The following SLC27A1 variants were observed in gnomAD, a reference collection of about 807,000 sequenced individuals.
SLC27A1 encodes long-chain fatty acid transport protein 1.
In SLC27A1, 61 loss-of-function variants were observed where a neutral mutation model predicts 62.2. That is an observed-to-expected ratio of 0.98 (90% CI 0.80 to 1.21). The LOEUF (loss-of-function observed/expected upper bound fraction) is 1.21. SLC27A1 is among the 50% of genes most tolerant of loss of function. The pLI is 0.00. For synonymous variants in SLC27A1, 435 were observed against 408.6 expected, an observed-to-expected ratio of 1.06 and a Z score of -0.78; for missense variants, 903 against 932.1, an observed-to-expected ratio of 0.97 and a Z score of 0.41.
At chr19:17,496,218 C>G (rs992015381) in intron 6 of SLC27A1, 18 of 152,252 alleles carry the variant, frequency 1.2e-4, no homozygotes, top group Non-Finnish European at 2.1e-4. Context: ...GGGTTCAAAT[C>G]AAATTCTGCC....
rs111795070 is a variant in SLC27A1 at position 17,480,913 on chromosome 19, G to A, written c.168-5650G>A. Among the ~76,000 whole-genome samples the A allele has an allele frequency of 4.0e-3, 28 of 7,018 alleles. 1 individual carries two copies. The highest frequency in any genetic ancestry group is 0.012 in the Non-Finnish European group (7 of 608). The allele number at this position is 7,018 out of a possible 152,430, so 4.6% of individuals were successfully genotyped here. ...TTTAGCTCCCACTTATAACGAAAAC[G>A]TGGTATTTGGATTTCTTTTTTTTTT... On this transcript the variant is annotated intron_variant, in intron 1 of 11. Transcript: ENST00000252595.
At chr19:17,500,006 A>C in intron 7 of SLC27A1, 1 of 507,188 alleles carries the variant, frequency 2.0e-6, no homozygotes. Context: ...AGAGGCATCT[A>C]CTTCCTGCCA....
At chr19:17,485,191 C>CTTTTTTTTTTTT (rs386388659) in intron 1 of SLC27A1, among the ~76,000 whole-genome samples, 3 of 104,998 alleles carry the variant, frequency 2.9e-5, no homozygotes, top group Non-Finnish European at 5.8e-5. Flanking sequence ...TTTTTGTTTC[C>CTTTTTTTTTTTT]TTTTTTTTTT....
intron 1 of SLC27A1, among the ~76,000 whole-genome samples, chr19:17,475,303 G>A (rs2144544766): frequency 6.6e-6 from 1 of 152,284 alleles, no homozygotes; most frequent in East Asian, 1.9e-4. Context: ...CACTTTGGGA[G>A]CCCAAGATGG....
At chr19:17,501,671 C>T (rs2075415282) in intron 11 of SLC27A1, among the ~76,000 whole-genome samples, 1 of 151,842 alleles carries the variant, frequency 6.6e-6, no homozygotes, top group South Asian at 2.1e-4. Flanking sequence ...GGCACGGTTG[C>T]GGGTGCCTGT....
chr19:17,477,886 T>C (rs1257664329), intron 1 of SLC27A1, among the ~76,000 whole-genome samples: 1 of 151,788 alleles, frequency 6.6e-6, no homozygotes, highest in Non-Finnish European at 1.5e-5. Context: ...TTTAAAAAAT[T>C]ATTTTAACAT....
upstream of SLC27A1, among the ~76,000 whole-genome samples, chr19:17,469,310 C>T (rs532920813): frequency 5.3e-5 from 8 of 152,222 alleles, no homozygotes; most frequent in East Asian, 1.5e-3. Context: ...AGCACTCCCC[C>T]GGGCCCTGGA....
chr19:17,484,407 A>G (rs1221410181), intron 1 of SLC27A1, among the ~76,000 whole-genome samples: 3 of 152,140 alleles, frequency 2.0e-5, no homozygotes, highest in African/African-American at 4.8e-5. Context: ...CCTGGCCAAC[A>G]TGGTGAAACC....
chr19:17,479,613 T>C (rs1030111442), intron 1 of SLC27A1, among the ~76,000 whole-genome samples: 27 of 150,494 alleles, frequency 1.8e-4, no homozygotes, highest in African/African-American at 6.4e-4. Context: ...TTTTGAGACA[T>C]ACTTCATATT....
At position 17,504,573 on chromosome 19, in the gene SLC27A1, A is replaced by C. The variant is rs370724518; in HGVS notation, c.1902A>C (p.Ala634=). The C allele has an allele frequency of 9.2e-5, 149 of 1,614,050 alleles. No homozygotes were observed. Among genetic ancestry groups the C allele is most frequent in the Non-Finnish European group, 1.2e-4 (145 of 1,180,036 alleles). ...KQGHYLPLNE[A]VYTRICSGAF... ...GCCACTACCTGCCCTTAAATGAGGC[A>C]GTCTACACTCGCATCTGCTCGGGCG... Residue 634 remains alanine, a synonymous_variant, in exon 12 of 12, where the codon GCA becomes GCC. Coordinates refer to ENST00000252595, the MANE Select transcript of SLC27A1 (RefSeq NM_198580.3).
At chr19:17,487,829 A>C (rs1599654630) in intron 4 of SLC27A1, among the ~76,000 whole-genome samples, 1 of 146,514 alleles carries the variant, frequency 6.8e-6, no homozygotes, top group South Asian at 2.2e-4. Flanking sequence ...TCATCCCCCC[A>C]CCTGTTCACC....
intron 1 of SLC27A1, among the ~76,000 whole-genome samples, chr19:17,478,045 C>G (rs1221473338): frequency 6.6e-6 from 1 of 152,094 alleles, no homozygotes. Context: ...CAACTAGCAG[C>G]ACTAAAACCC....
chr19:17,489,012 C>A lies in SLC27A1; in HGVS notation c.891C>A (p.Asn297Lys), dbSNP rs768772741. ...DCLPLYHSAG[N>K]IIGVGQCLIY... ...TACCAAGGCCACCCTCTGCAGGAAA[C>A]ATCATCGGCGTGGGGCAGTGTCTCA... The change falls in exon 6 of 12, where the codon AAC (asparagine) becomes AAA (lysine). Residue 297 changes from asparagine to lysine, a missense_variant. Transcript: ENST00000252595. The A allele has an allele frequency of 6.2e-7, 1 of 1,614,134 alleles. No individual in the cohort carries two copies. The highest frequency in any genetic ancestry group is 8.5e-7 in the Non-Finnish European group (1 of 1,180,008).
chr19:17,490,008 T>C (rs2075279304), intron 6 of SLC27A1: 1 of 152,012 alleles, frequency 6.6e-6, no homozygotes, highest in South Asian at 2.1e-4. Flanking sequence ...TGAGCAGGGG[T>C]TGGGGGCTCT....
intron 11 of SLC27A1, among the ~76,000 whole-genome samples, chr19:17,502,679 G>T (rs1412072418): frequency 6.7e-6 from 1 of 149,856 alleles, no homozygotes; most frequent in African/African-American, 2.5e-5. Flanking sequence ...TTTTTCTTTT[G>T]TTTTTTTTGT....
chr19:17,489,240 T>C (rs771826961), intron 6 of SLC27A1, 123 bp downstream of exon 6: 74 of 776,354 alleles, frequency 9.5e-5, no homozygotes, highest in Non-Finnish European at 1.5e-4. Context: ...CACCTCCTCC[T>C]GGTCAGGTCC....
At chr19:17,476,384 A>G (rs2075122273) in intron 1 of SLC27A1, among the ~76,000 whole-genome samples, 1 of 151,948 alleles carries the variant, frequency 6.6e-6, no homozygotes, top group African/African-American at 2.4e-5. Flanking sequence ...AAAAATACAA[A>G]AAAATTAGCT....
chr19:17,479,397 T>C (rs1192725217), intron 1 of SLC27A1, among the ~76,000 whole-genome samples: 1 of 152,178 alleles, frequency 6.6e-6, no homozygotes, highest in Non-Finnish European at 1.5e-5. Flanking sequence ...TTGAGCCCCG[T>C]TAGTCATCAG....
intron 4 of SLC27A1, 78 bp downstream of exon 4, chr19:17,487,607 G>C (rs1391932266): frequency 7.3e-7 from 1 of 1,374,566 alleles, no homozygotes; most frequent in Admixed American, 1.9e-5. Context: ...CTGCCCCTCA[G>C]CTCCTGTGGG....
Sources: allele counts gnomAD v4.1 joint callset (sites outside exome capture counted in the v4.1 genomes callset), GRCh38; gene constraint gnomAD v4.1.1; transcripts MANE v1.5; gene names NCBI Gene and HGNC (gene_info 2026-07-23, HGNC 2026-07-21).